ARHGAP19: variants seen among roughly 807,000 people sequenced by gnomAD.
ARHGAP19 encodes the protein rho GTPase-activating protein 19.
ARHGAP19 carries 48 observed loss-of-function variants against 60.9 expected under a neutral mutation model. The ratio of observed to expected loss-of-function variants is 0.79; its 90% CI spans 0.62 to 1.00. The LOEUF (loss-of-function observed/expected upper bound fraction) is 1.00. ARHGAP19 is among the 50% of genes least tolerant of loss of function. ARHGAP19 has a pLI of 0.00. For missense variants in ARHGAP19, 562 were observed against 597.2 expected (o/e 0.94, Z 0.61); for synonymous variants, 209 against 215.5 (o/e 0.97, Z 0.27).
chr10:97,244,336 A>G (rs556064341), intron 7 of ARHGAP19, among the ~76,000 whole-genome samples, 177 bp from the exon 8 acceptor site: 1 of 152,302 alleles, frequency 6.6e-6, no homozygotes, highest in Non-Finnish European at 1.5e-5. Flanking sequence ...AATATAGGTT[A>G]TATTAATAGC....
At chr10:97,251,329 A>AAGG (rs1564717989) in intron 6 of ARHGAP19, among the ~76,000 whole-genome samples, 4 of 28,734 alleles carry the variant, frequency 1.4e-4, no homozygotes, top group Admixed American at 3.4e-4. Context: ...AGGGAAGGGG[A>AAGG]AAGGGAAAGG....
At chr10:97,267,625 C>T (rs2134894157) in intron 1 of ARHGAP19, among the ~76,000 whole-genome samples, 1 of 152,390 alleles carries the variant, frequency 6.6e-6, no homozygotes, top group Middle Eastern at 3.4e-3. Context: ...TCCATACATC[C>T]TCTGAAATCT....
intron 1 of ARHGAP19, among the ~76,000 whole-genome samples, chr10:97,274,064 T>C (rs1589377742): frequency 6.6e-6 from 1 of 152,164 alleles, no homozygotes; most frequent in East Asian, 1.9e-4. Flanking sequence ...TATTTAGAGA[T>C]ACTTGCTTAA....
At chr10:97,274,464 TA>T (rs60869967) in intron 1 of ARHGAP19, among the ~76,000 whole-genome samples, 6,639 of 142,014 alleles carry the variant, frequency 0.047, 198 homozygotes, top group Non-Finnish European at 0.065. Context: ...GACTCCATCT[TA>T]AAAAAAAAAA....
At chr10:97,268,591 G>A (rs926292636) in intron 1 of ARHGAP19, among the ~76,000 whole-genome samples, 13 of 152,184 alleles carry the variant, frequency 8.5e-5, no homozygotes, top group Admixed American at 2.6e-4. Context: ...GCTGGAAGGC[G>A]AAGGGGGAAC....
At position 97,229,202 on chromosome 10, in the gene ARHGAP19, G is replaced by C; in HGVS notation, c.1419C>G (p.Val473=). 1 of 1,614,098 alleles carries C rather than the reference G, an allele frequency of 6.2e-7. No homozygotes were observed. The highest frequency in any genetic ancestry group is 8.5e-7 in the Non-Finnish European group (1 of 1,179,954). The change falls in exon 11 of 12, where the codon GTC becomes GTG. Residue 473 remains valine, a synonymous_variant. Transcript: ENST00000358531. Reference sequence around the variant, plus strand: ...ACTTCAATCTTGTTGGTGTCATCGTGACAGCTGGAGAGCCAGAAAATAACT... The same window carrying C: ...ACTTCAATCTTGTTGGTGTCATCGTCACAGCTGGAGAGCCAGAAAATAACT... ...RNLLFSGSPA[V]TMTPTRLKWS...
At chr10:97,282,376 T>C (rs1438107602) in intron 1 of ARHGAP19, among the ~76,000 whole-genome samples, 1 of 152,178 alleles carries the variant, frequency 6.6e-6, no homozygotes, top group African/African-American at 2.4e-5. Flanking sequence ...AGTAAAGAGG[T>C]AGATATCTAA....
At chr10:97,282,683 T>C (rs891859928) in intron 1 of ARHGAP19, among the ~76,000 whole-genome samples, 2 of 152,128 alleles carry the variant, frequency 1.3e-5, no homozygotes, top group African/African-American at 4.8e-5. Flanking sequence ...CCCTCTTCCT[T>C]GTACATTCTA....
At chr10:97,264,694 C>T in intron 3 of ARHGAP19, 132 bp downstream of exon 3, 1 of 594,306 alleles carries the variant, frequency 1.7e-6, no homozygotes, top group South Asian at 2.2e-5. Context: ...AAAAACATGC[C>T]ACCCAAAATT....
chr10:97,247,959 GT>G (rs1842586326), intron 6 of ARHGAP19, among the ~76,000 whole-genome samples: 1 of 130,368 alleles, frequency 7.7e-6, no homozygotes, highest in Non-Finnish European at 1.6e-5. Flanking sequence ...TTTTAATGTG[GT>G]TTTGACTTTT....
intron 8 of ARHGAP19, among the ~76,000 whole-genome samples, chr10:97,242,878 G>A (rs755472478): frequency 2.6e-5 from 4 of 152,028 alleles, no homozygotes; most frequent in Non-Finnish European, 5.9e-5. Context: ...TCGAACTCCC[G>A]ATCTCAGGTG....
chr10:97,285,703 A>G (rs780039110), intron 1 of ARHGAP19, among the ~76,000 whole-genome samples: 21 of 151,946 alleles, frequency 1.4e-4, no homozygotes, highest in Admixed American at 4.6e-4. Flanking sequence ...TATTTTTAGT[A>G]GAGACAGGGT....
chr10:97,249,068 G>A (rs1842604701), intron 6 of ARHGAP19, among the ~76,000 whole-genome samples: 1 of 151,626 alleles, frequency 6.6e-6, no homozygotes, highest in African/African-American at 2.4e-5. Flanking sequence ...CTAACACTTT[G>A]GAAAAATAAA....
At chr10:97,290,420 C>T (rs963510918) in intron 1 of ARHGAP19, among the ~76,000 whole-genome samples, 1 of 152,180 alleles carries the variant, frequency 6.6e-6, no homozygotes, top group African/African-American at 2.4e-5. Flanking sequence ...TCAAGTTGAA[C>T]ACCAGTCACT....
intron 5 of ARHGAP19, among the ~76,000 whole-genome samples, chr10:97,256,916 T>C (rs533844476): frequency 5.3e-5 from 8 of 151,590 alleles, no homozygotes; most frequent in African/African-American, 1.7e-4. Context: ...GGTCAGGAGA[T>C]TGAGACCATC....
chr10:97,227,868 G>C (rs1850926861), intron 11 of ARHGAP19, among the ~76,000 whole-genome samples: 1 of 152,150 alleles, frequency 6.6e-6, no homozygotes, highest in Non-Finnish European at 1.5e-5. Context: ...TATTAGACTG[G>C]TTTTTAAAAA....
intron 1 of ARHGAP19, among the ~76,000 whole-genome samples, chr10:97,269,596 G>A (rs1393837030): frequency 6.6e-6 from 1 of 152,038 alleles, no homozygotes; most frequent in African/African-American, 2.4e-5. Context: ...AGAAGCACGG[G>A]TCAATATAAG....
chr10:97,244,216 G>A, intron 7 of ARHGAP19, 57 bp from the exon 8 acceptor site: 1 of 1,448,718 alleles, frequency 6.9e-7, no homozygotes, highest in African/African-American at 1.4e-5. Flanking sequence ...TTGTTTTGGG[G>A]TTCTTACAAA....
intron 9 of ARHGAP19, 67 bp downstream of exon 9, chr10:97,235,150 A>G (rs995779880): frequency 2.1e-6 from 3 of 1,453,894 alleles, no homozygotes; most frequent in Non-Finnish European, 2.9e-6. Context: ...CTTTTTATGC[A>G]TAAGAAAAAT....
Sources: gnomAD v4.1 joint callset for allele counts (sites outside exome capture counted in the v4.1 genomes callset) on GRCh38, gnomAD v4.1.1 for gene constraint, MANE v1.5 for transcripts, NCBI Gene and HGNC (gene_info 2026-07-23, HGNC 2026-07-21) for gene names.